The following CMKLR2 variants were observed in gnomAD, a reference collection of about 807,000 sequenced individuals.
CMKLR2 encodes chemerin chemokine-like receptor 2, also known as chemerin-like receptor 2.
Under a neutral mutation model 23.0 loss-of-function variants are expected in CMKLR2, and 18 were observed. That is an observed-to-expected ratio of 0.78 (90% CI 0.54 to 1.16). CMKLR2 has a LOEUF of 1.16. Among genes scored for constraint, CMKLR2 ranks in the 50% most tolerant of loss-of-function variants. The probability of loss-of-function intolerance (pLI) is 0.00; values close to 1 mark genes in which losing one functional copy is unlikely to be tolerated. For missense variants in CMKLR2, 401 were observed against 412.7 expected (o/e 0.97, Z 0.25); for synonymous variants, 158 against 158.9 (o/e 0.99, Z 0.05).
intron 1 of CMKLR2, among the ~76,000 whole-genome samples, chr2:206,210,729 C>T (rs1436128810): frequency 2.6e-5 from 4 of 151,966 alleles, no homozygotes; most frequent in Non-Finnish European, 4.4e-5. Context: ...CCAAAATGCT[C>T]GGATTACACG....
At chr2:206,178,639 T>C (rs1230095068) in intron 1 of CMKLR2, among the ~76,000 whole-genome samples, 1 of 151,802 alleles carries the variant, frequency 6.6e-6, no homozygotes, top group African/African-American at 2.4e-5. Context: ...CAGCCTTCTA[T>C]TTTTGTTTTG....
chr2:206,176,522 A>G lies in CMKLR2; in HGVS notation c.726T>C (p.Ser242=). Residue 242 remains serine, a synonymous_variant, in exon 2 of 2, where the codon AGT becomes AGC. Transcript: ENST00000621141. ...CAACCAGAATTGTCCAGAAATGCCTACTGGAGATCAGGATGCTTCGCTTCT... is the reference window on the plus strand; with the variant it reads ...CAACCAGAATTGTCCAGAAATGCCTGCTGGAGATCAGGATGCTTCGCTTCT... The part of the protein sequence containing the change: ...KVKKRSILIS[S]RHFWTILVVV... 1 of 1,614,098 alleles carries G rather than the reference A, an allele frequency of 6.2e-7. No homozygotes were observed. Among genetic ancestry groups the G allele is most frequent in the South Asian group, 1.1e-5 (1 of 91,084 alleles).
In CMKLR2 at chr2:206,176,352, A is replaced by C. The variant is rs750343149; in HGVS notation, c.896T>G (p.Leu299Trp). 4 of 1,614,188 alleles carry C rather than the reference A, an allele frequency of 2.5e-6. No individual in the cohort carries two copies. In the Admixed American group the frequency reaches 5.0e-5, roughly 20 times the overall value. The change falls in exon 2 of 2, where the codon TTG becomes TGG. Residue 299 changes from leucine to tryptophan, a missense_variant. Physicochemically the swap from Leu to Trp is moderately conservative, Grantham distance 61. Coordinates refer to ENST00000621141, the MANE Select transcript of CMKLR2 (RefSeq NM_001389445.1). ...AATTAGGACATAAAGGATGGGGTTC[A>C]AGCAACTATTGAGGAATGCCAAACC... ...STGLAFLNSC[L>W]NPILYVLISK...
intron 1 of CMKLR2, among the ~76,000 whole-genome samples, chr2:206,180,455 G>A (rs1688373729): frequency 6.6e-6 from 1 of 152,094 alleles, no homozygotes; most frequent in Non-Finnish European, 1.5e-5. Context: ...TTGTTATTGA[G>A]ACATAGTCTG....
Position 206,176,614 on chromosome 2 carries a change from T to C in CMKLR2, c.634A>G (p.Ile212Val), listed in dbSNP as rs763136844. 3.1e-6 allele frequency: 5 copies of C among 1,614,044 alleles called. No homozygotes were observed. Among genetic ancestry groups the C allele is most frequent in the Non-Finnish European group, 4.2e-6 (5 of 1,180,038 alleles). ...AGCAAAGGGAAGAGATAGCCAATGATAAATTTCACCCAAGTCAGAACATGG... is the reference window on the plus strand; with the variant it reads ...AGCAAAGGGAAGAGATAGCCAATGACAAATTTCACCCAAGTCAGAACATGG... ...RHHVLTWVKFIIGYLFPLLTM... is the reference protein window; with the variant it reads ...RHHVLTWVKFVIGYLFPLLTM... The change falls in exon 2 of 2, where the codon ATC becomes GTC. Residue 212 changes from isoleucine to valine, a missense_variant. Ile to Val is a conservative substitution (Grantham distance 29). Transcript: ENST00000621141.
chr2:206,210,688 C>T lies in CMKLR2; in HGVS notation c.-29+2619G>A, dbSNP rs531917148. ...GTTGGTCAGGCTGGTCTCAAACTCC[C>T]GAACTCAGGTGATCAGTCTGCCTCA... On this transcript the variant is annotated intron_variant, in intron 1 of 1. Transcript: ENST00000621141. 7.2e-5 allele frequency among the ~76,000 whole-genome samples: 11 copies of T among 152,062 alleles called. 1 individual carries two copies. The highest frequency in any genetic ancestry group is 2.2e-4 in the African/African-American group (9 of 41,494).
chr2:206,199,611 C>T (rs114670539), intron 1 of CMKLR2, among the ~76,000 whole-genome samples: 5,543 of 150,236 alleles, frequency 0.037, 150 homozygotes, highest in Middle Eastern at 0.09. Flanking sequence ...TTTTTTCCCC[C>T]GAAATGGAGC....
At chr2:206,188,413 C>T (rs1430503396) in intron 1 of CMKLR2, among the ~76,000 whole-genome samples, 2 of 152,176 alleles carry the variant, frequency 1.3e-5, no homozygotes, top group East Asian at 3.8e-4. Context: ...GAAATAGCTA[C>T]TGTATTTGTC....
chr2:206,180,598 C>A (rs1359733012), intron 1 of CMKLR2, among the ~76,000 whole-genome samples: 1 of 151,868 alleles, frequency 6.6e-6, no homozygotes, highest in African/African-American at 2.4e-5. Flanking sequence ...CCATGCCTGG[C>A]TGATATTTTT....
At chr2:206,209,638 CTTTTCTTTCTTTTT>C (rs988774539) in intron 1 of CMKLR2, among the ~76,000 whole-genome samples, 12 of 122,080 alleles carry the variant, frequency 9.8e-5, no homozygotes, top group Admixed American at 9.3e-4. Flanking sequence ...GTTTGGTTTT[CTTTTCTTTCTTTTT>C]TTTTTTTTTT....
intron 1 of CMKLR2, among the ~76,000 whole-genome samples, chr2:206,208,505 G>A (rs1025751085): frequency 1.4e-4 from 21 of 152,072 alleles, no homozygotes; most frequent in African/African-American, 4.3e-4. Context: ...CTGCACTCCA[G>A]CCTGGGCAAC....
At chr2:206,194,450 G>A (rs1439170936) in intron 1 of CMKLR2, among the ~76,000 whole-genome samples, 1 of 147,002 alleles carries the variant, frequency 6.8e-6, no homozygotes, top group African/African-American at 2.5e-5. Flanking sequence ...TAAGACATTC[G>A]TTATGGGCTT....
chr2:206,207,728 C>CTTGTTTTTTTTTTTT (rs1689382706), intron 1 of CMKLR2, among the ~76,000 whole-genome samples: 1 of 43,574 alleles, frequency 2.3e-5, no homozygotes, highest in African/African-American at 1.2e-4. Flanking sequence ...ACCTCAGGGC[C>CTTGTTTTTTTTTTTT]TTTTTTTTTT....
At position 206,204,400 on chromosome 2, in the gene CMKLR2, CT is replaced by C. The variant is rs1689234261; in HGVS notation, c.-29+8906del. The stretch of plus-strand genomic sequence containing the variant: ...GTGCAATATCATTGTTATGACTTTA[CT>C]TGATTCTTTCATTACATTGTATTAT... On this transcript the variant is annotated intron_variant, in intron 1 of 1. Coordinates refer to ENST00000621141, the MANE Select transcript of CMKLR2 (RefSeq NM_001389445.1). 2.7e-5 allele frequency among the ~76,000 whole-genome samples: 4 copies of C among 149,270 alleles called. No individual in the cohort carries two copies. In the Admixed American group the frequency reaches 2.7e-4, roughly 10 times the overall value.
chr2:206,182,581 C>G (rs1277701382), intron 1 of CMKLR2, among the ~76,000 whole-genome samples: 1 of 151,978 alleles, frequency 6.6e-6, no homozygotes, highest in Non-Finnish European at 1.5e-5. Flanking sequence ...TGAGTTCACC[C>G]CTAAGTCAGG....
At chr2:206,196,895 A>G (rs1688939734) in intron 1 of CMKLR2, among the ~76,000 whole-genome samples, 1 of 152,032 alleles carries the variant, frequency 6.6e-6, no homozygotes. Context: ...GAGGACACTC[A>G]GGAAAAGCAT....
intron 1 of CMKLR2, among the ~76,000 whole-genome samples, chr2:206,194,742 G>T (rs544058979): frequency 2.4e-4 from 27 of 113,838 alleles, no homozygotes; most frequent in African/African-American, 8.8e-4. Flanking sequence ...GGCCATCATA[G>T]ACTTTTTTTT....
At chr2:206,189,854 C>T (rs1688695738) in intron 1 of CMKLR2, among the ~76,000 whole-genome samples, 1 of 152,026 alleles carries the variant, frequency 6.6e-6, no homozygotes. Context: ...TCAGTATTTT[C>T]CACTGTCAAA....
At chr2:206,206,025 C>T (rs1448560270) in intron 1 of CMKLR2, among the ~76,000 whole-genome samples, 1 of 152,070 alleles carries the variant, frequency 6.6e-6, no homozygotes, top group Non-Finnish European at 1.5e-5. Flanking sequence ...ATCCTTCCTA[C>T]AAGACAAGCA....
Sources: allele counts gnomAD v4.1 joint callset (sites outside exome capture counted in the v4.1 genomes callset), GRCh38; gene constraint gnomAD v4.1.1; transcripts MANE v1.5; gene names NCBI Gene and HGNC (gene_info 2026-07-23, HGNC 2026-07-21).